Variants in TRPM3 observed in about 807,000 individuals in gnomAD.
TRPM3 encodes long transient receptor potential channel 3.
TRPM3 carries 77 observed loss-of-function variants against 181.2 expected under a neutral mutation model. That is an observed-to-expected ratio of 0.42 (90% confidence interval 0.35 to 0.51). The LOEUF (loss-of-function observed/expected upper bound fraction) is 0.51, where lower values mean the gene tolerates loss of function less well. Ranked by LOEUF, TRPM3 falls within the 20% of genes least tolerant of loss-of-function variation. The pLI is 0.01. For synonymous variants in TRPM3, 745 were observed against 796.4 expected, an observed-to-expected ratio of 0.94 and a Z score of 1.09; for missense variants, 1,759 against 2,196.7, an observed-to-expected ratio of 0.80 and a Z score of 3.98.
At chr9:71,068,897 G>A (rs2062309665) in intron 1 of TRPM3, among the ~76,000 whole-genome samples, 1 of 152,148 alleles carries the variant, frequency 6.6e-6, no homozygotes, top group African/African-American at 2.4e-5. Flanking sequence ...TTCCATCATG[G>A]TGGTATAATA....
chr9:71,011,343 T>C (rs1451187884), intron 1 of TRPM3, among the ~76,000 whole-genome samples: 1 of 152,206 alleles, frequency 6.6e-6, no homozygotes, highest in Non-Finnish European at 1.5e-5. Flanking sequence ...CTGATGGATA[T>C]GGTAATTACC....
At chr9:71,016,493 A>G (rs949299418) in intron 1 of TRPM3, among the ~76,000 whole-genome samples, 8 of 152,140 alleles carry the variant, frequency 5.3e-5, no homozygotes, top group Non-Finnish European at 7.4e-5. Context: ...TGATTCTCAT[A>G]TAAGTGGAAC....
intron 8 of TRPM3, among the ~76,000 whole-genome samples, chr9:70,755,748 A>C (rs1240899781): frequency 6.6e-6 from 1 of 152,188 alleles, no homozygotes; most frequent in Non-Finnish European, 1.5e-5. Context: ...AGAAGAAATA[A>C]AATCTTTTAC....
intron 8 of TRPM3, among the ~76,000 whole-genome samples, chr9:70,744,004 TGA>T (rs778395270): frequency 6.1e-4 from 93 of 152,232 alleles, no homozygotes; most frequent in Non-Finnish European, 1.1e-3. Flanking sequence ...TCATTGGTTA[TGA>T]GAGAGAATTT....
At position 70,621,354 on chromosome 9, in the gene TRPM3, TTTTTGTTTTG is replaced by T. The variant is rs1006780511; in HGVS notation, c.1810-91_1810-82del. ...AGGTAAGAAGAGTCCTATTATATAT[TTTTTGTTTTG>T]TTTTGTTTTGTTTTTATTGAGACAA... On this transcript the variant is annotated intron_variant, in intron 14 of 25. Transcript: ENST00000677713. 6.2e-6 allele frequency: 7 copies of T among 1,126,340 alleles called. No homozygotes were observed. In the South Asian group the frequency reaches 1.0e-4, roughly 16 times the overall value. 69.8% of individuals were successfully genotyped at this position (1,126,340 alleles called of 1,614,324 possible).
At chr9:70,862,349 T>C (rs996950115) in intron 3 of TRPM3, among the ~76,000 whole-genome samples, 6 of 152,150 alleles carry the variant, frequency 3.9e-5, no homozygotes, top group Non-Finnish European at 8.8e-5. Context: ...AAAAATGCTT[T>C]TTATGTGGAA....
At chr9:70,813,998 C>T (rs1381381773) in intron 6 of TRPM3, among the ~76,000 whole-genome samples, 2 of 152,164 alleles carry the variant, frequency 1.3e-5, no homozygotes. Context: ...CCCTACAGTG[C>T]CTTGAGCATT....
chr9:71,225,618 A>G (rs560434236), intron 1 of TRPM3, among the ~76,000 whole-genome samples: 2 of 152,324 alleles, frequency 1.3e-5, no homozygotes, highest in South Asian at 2.1e-4. Flanking sequence ...AACTACTCAT[A>G]TCTTAAGTAA....
At chr9:70,749,005 G>A (rs571286528) in intron 8 of TRPM3, among the ~76,000 whole-genome samples, 32 of 151,908 alleles carry the variant, frequency 2.1e-4, no homozygotes, top group Non-Finnish European at 3.7e-4. Flanking sequence ...CTAGAACTCC[G>A]GTTGCATGCC....
chr9:70,836,512 T>A (rs540187467), intron 5 of TRPM3, among the ~76,000 whole-genome samples: 1 of 152,324 alleles, frequency 6.6e-6, no homozygotes, highest in East Asian at 1.9e-4. Context: ...ATATCCATCT[T>A]GATGAAATGG....
chr9:70,698,744 T>C (rs2071437770), intron 8 of TRPM3, among the ~76,000 whole-genome samples: 1 of 152,244 alleles, frequency 6.6e-6, no homozygotes, highest in South Asian at 2.1e-4. Flanking sequence ...CCCCCCTTGG[T>C]ACTGTATAGT....
At position 70,603,436 on chromosome 9, in the gene TRPM3, T is replaced by C. The variant is rs1234791762; in HGVS notation, c.2702A>G (p.Tyr901Cys). ...AYIGYLMLFN[Y>C]IVLVKMERWP... ...GCGTTCCATCTTCACTAACACGATA[T>C]AGTTGAAGAGCATCAGGTATCCGAT... The change falls in exon 20 of 26, where the codon TAT becomes TGT. Residue 901 changes from tyrosine (Y) to cysteine (C), a missense_variant. By Grantham distance (194) the Tyr-to-Cys change is radical. Coordinates refer to ENST00000677713, the MANE Select transcript of TRPM3 (RefSeq NM_001366145.2). 1 of 1,614,062 alleles carries C rather than the reference T, an allele frequency of 6.2e-7. No individual in the cohort carries two copies. The highest frequency in any genetic ancestry group is 8.5e-7 in the Non-Finnish European group (1 of 1,180,008).
chr9:70,884,562 TTTATGGAAA>T (rs2096056710), intron 1 of TRPM3, among the ~76,000 whole-genome samples: 1 of 152,210 alleles, frequency 6.6e-6, no homozygotes, highest in African/African-American at 2.4e-5. Context: ...AACTTTGTGT[TTTATGGAAA>T]TAACTCCGAA....
At position 70,534,165 on chromosome 9, in the gene TRPM3, T is replaced by C. The variant is rs1045030543; in HGVS notation, c.*1788A>G. 6.6e-6 allele frequency: 1 copy of C among 152,214 alleles called. No individual in the cohort carries two copies. The highest frequency in any genetic ancestry group is 1.5e-5 in the Non-Finnish European group (1 of 68,032). 9.4% of individuals were successfully genotyped at this position (152,214 alleles called of 1,614,324 possible). A position where few individuals can be genotyped will look rare whatever the true frequency, so the allele number is the denominator to read the frequency against. On this transcript the variant is annotated 3_prime_UTR_variant, in exon 26 of 26. Coordinates refer to ENST00000677713, the MANE Select transcript of TRPM3 (RefSeq NM_001366145.2). The stretch of plus-strand genomic sequence containing the variant: ...GATTATGCCTCTACTTTAGAGTCTG[T>C]AACACTAGCTGGTTTAAAGTTGCGT...
chr9:70,821,138 AT>A (rs57587470), intron 6 of TRPM3, among the ~76,000 whole-genome samples: 25,665 of 152,162 alleles, frequency 0.17, 3,169 homozygotes, highest in African/African-American at 0.34. Context: ...TTGTTAAAAA[AT>A]TCTTAGACTA....
intron 1 of TRPM3, among the ~76,000 whole-genome samples, chr9:71,096,590 A>ACCCT (rs1452142664): frequency 1.1e-5 from 1 of 89,998 alleles, no homozygotes; most frequent in African/African-American, 5.2e-5. Context: ...ACACACACAC[A>ACCCT]CTCTCTCTCT....
chr9:71,324,814 G>C lies in TRPM3; in HGVS notation c.183+121839C>G, dbSNP rs570626892. On this transcript the variant is annotated intron_variant, in intron 1 of 24. Transcript: ENST00000357533. ...AGAAGAAGAAAATCATGCCTTTAAA[G>C]TAACATGGATGGAATAGGAGGTCAT... Among the ~76,000 whole-genome samples the C allele has an allele frequency of 5.3e-5, 8 of 152,102 alleles. No homozygotes were observed. The East Asian group carries it at 1.4e-3, about 26-fold the overall frequency.
intron 1 of TRPM3, among the ~76,000 whole-genome samples, chr9:70,993,807 AAAG>A (rs1476936570): frequency 0.049 from 466 of 9,424 alleles, 2 homozygotes; most frequent in East Asian, 0.33. Flanking sequence ...AAAAAAAAAG[AAAG>A]AAAGAAAGAA....
intron 22 of TRPM3, among the ~76,000 whole-genome samples, chr9:70,562,258 T>A (rs2049291376): frequency 3.9e-5 from 6 of 152,182 alleles, no homozygotes; most frequent in Non-Finnish European, 8.8e-5. Flanking sequence ...TTCCTGATAT[T>A]TTGTCACTCC....
Sources: allele counts gnomAD v4.1 joint callset (sites outside exome capture counted in the v4.1 genomes callset), GRCh38; gene constraint gnomAD v4.1.1; transcripts MANE v1.5; gene names NCBI Gene and HGNC (gene_info 2026-07-23, HGNC 2026-07-21).